TMPRSS6: variants seen among roughly 807,000 people sequenced by gnomAD.
TMPRSS6 encodes transmembrane protease serine 6.
A neutral mutation model predicts 101.5 loss-of-function variants in TMPRSS6; 67 were observed. The observed-to-expected ratio is 0.66, with a 90% CI of 0.54 to 0.81. TMPRSS6 has a LOEUF of 0.81. TMPRSS6 is among the 30% of genes least tolerant of loss of function. The probability of loss-of-function intolerance (pLI) is 0.00; values close to 1 mark genes in which losing one functional copy is unlikely to be tolerated. For synonymous variants in TMPRSS6, 453 were observed against 464.9 expected, an observed-to-expected ratio of 0.97 and a Z score of 0.33; for missense variants, 1,034 against 1,088.7, an observed-to-expected ratio of 0.95 and a Z score of 0.71.
chr22:37,072,888 GATGA>G (rs1299296289), intron 13 of TMPRSS6, among the ~76,000 whole-genome samples: 6 of 144,716 alleles, frequency 4.1e-5, no homozygotes, highest in South Asian at 2.2e-4. Context: ...ATGATGGATG[GATGA>G]ATGGATGGAT....
At position 37,089,643 on chromosome 22, in the gene TMPRSS6, T is replaced by C. The variant is rs1929066444; in HGVS notation, c.771A>G (p.Ala257=). Residue 257 remains alanine (A), a synonymous_variant, in exon 7 of 18, where the codon GCA becomes GCG. Transcript: ENST00000676104. ...MLKLRLEWTL[A]ECRDRLAMYD... is the part of the protein sequence containing the mutation. ...ACATGGCCAGTCGGTCCCGGCACTC[T>C]GCCAGCGTCCACTCCAGCCGGAGTT... 8 of 1,603,634 alleles carry C rather than the reference T, an allele frequency of 5.0e-6. No individual in the cohort carries two copies. Among genetic ancestry groups the C allele is most frequent in the Non-Finnish European group, 6.8e-6 (8 of 1,174,018 alleles).
At chr22:37,106,269 A>G (rs1307216076) in intron 1 of TMPRSS6, among the ~76,000 whole-genome samples, 2 of 152,002 alleles carry the variant, frequency 1.3e-5, no homozygotes, top group African/African-American at 4.8e-5. Context: ...ACTGAGCCCT[A>G]CTACCTCTCA....
chr22:37,070,449 T>C, intron 15 of TMPRSS6, 35 bp downstream of exon 15: 1 of 1,612,808 alleles, frequency 6.2e-7, no homozygotes, highest in South Asian at 1.1e-5. Flanking sequence ...TGCCCTTGTC[T>C]CTTACTGCCT....
chr22:37,091,424 C>A (rs1929251525), intron 6 of TMPRSS6, among the ~76,000 whole-genome samples: 1 of 152,196 alleles, frequency 6.6e-6, no homozygotes, highest in South Asian at 2.1e-4. Flanking sequence ...CTAGTGCCAT[C>A]TGCTGGGCCC....
intron 16 of TMPRSS6, among the ~76,000 whole-genome samples, chr22:37,067,898 C>A (rs1375556858): frequency 1.8e-5 from 1 of 55,024 alleles, no homozygotes; most frequent in Non-Finnish European, 3.4e-5. Context: ...CCAGGCACGC[C>A]TGCCCCCCAC....
At chr22:37,083,888 C>T (rs953471403) in intron 10 of TMPRSS6, 5 of 456,012 alleles carry the variant, frequency 1.1e-5, no homozygotes, top group Non-Finnish European at 1.9e-5. Context: ...GGGAGAGGCA[C>T]CTCTGATGGT....
At chr22:37,107,844 T>G (rs925335159) in intron 1 of TMPRSS6, among the ~76,000 whole-genome samples, 19 of 152,200 alleles carry the variant, frequency 1.2e-4, no homozygotes, top group Non-Finnish European at 2.6e-4. Context: ...CTCTCCTGCA[T>G]TTTTCTTTAT....
At position 37,092,980 on chromosome 22, in the gene TMPRSS6, G is replaced by A. The variant is rs1346996169; in HGVS notation, c.631+2571C>T. Among the ~76,000 whole-genome samples the A allele has an allele frequency of 2.6e-5, 4 of 152,216 alleles. No individual in the cohort carries two copies. The East Asian group carries it at 7.7e-4, about 29-fold the overall frequency. Reference sequence around the variant, plus strand: ...CTCTATTCTCACACTGGCACCTGGTGTTATGAGAATCTGTTTATGTGTCTG... The same window carrying A: ...CTCTATTCTCACACTGGCACCTGGTATTATGAGAATCTGTTTATGTGTCTG... On this transcript the variant is annotated intron_variant, in intron 6 of 17. Coordinates refer to ENST00000676104, the MANE Select transcript of TMPRSS6 (RefSeq NM_001374504.1).
chr22:37,066,134 G>T lies in TMPRSS6; in HGVS notation c.2355C>A (p.Gly785=). 6.2e-7 allele frequency: 1 copy of T among 1,613,394 alleles called. No individual in the cohort carries two copies. The highest frequency in any genetic ancestry group is 8.5e-7 in the Non-Finnish European group (1 of 1,179,994). Residue 785 remains glycine (G), a synonymous_variant, in exon 18 of 18, where the codon GGC becomes GGA. Coordinates refer to ENST00000676104, the MANE Select transcript of TMPRSS6 (RefSeq NM_001374504.1). ...GLGCGRPNYF[G]VYTRITGVIS... ...TCACACCTGTGATGCGGGTGTAGACGCCGAAGTAGTTAGGCCGGCCACAGC... is the reference window on the plus strand; with the variant it reads ...TCACACCTGTGATGCGGGTGTAGACTCCGAAGTAGTTAGGCCGGCCACAGC...
chr22:37,076,952 C>T (rs1485850962), intron 10 of TMPRSS6, among the ~76,000 whole-genome samples: 1 of 152,336 alleles, frequency 6.6e-6, no homozygotes, highest in Admixed American at 6.5e-5. Flanking sequence ...CGGAGCCGGC[C>T]ATGATTCCCA....
intron 1 of TMPRSS6, among the ~76,000 whole-genome samples, chr22:37,107,705 G>C (rs1930799963): frequency 6.6e-6 from 1 of 152,080 alleles, no homozygotes. Flanking sequence ...CCTCTTTGCT[G>C]AATGGGAGGT....
At chr22:37,106,553 A>G (rs1315387301) in intron 1 of TMPRSS6, among the ~76,000 whole-genome samples, 1 of 152,112 alleles carries the variant, frequency 6.6e-6, no homozygotes, top group Non-Finnish European at 1.5e-5. Flanking sequence ...GTAGTGGGAA[A>G]TTAATTCCCC....
chr22:37,084,623 C>A, intron 9 of TMPRSS6, 104 bp downstream of exon 9: 2 of 1,045,322 alleles, frequency 1.9e-6, no homozygotes, highest in Non-Finnish European at 2.9e-6. Context: ...AGCCTGTGGG[C>A]GCTTCAGCAG....
chr22:37,097,700 CTTG>C (rs1929895289), intron 3 of TMPRSS6, among the ~76,000 whole-genome samples: 1 of 145,254 alleles, frequency 6.9e-6, no homozygotes, highest in African/African-American at 2.6e-5. Flanking sequence ...GGGCCACCGT[CTTG>C]TAACAGAGGG....
chr22:37,074,473 G>T, intron 12 of TMPRSS6, 137 bp downstream of exon 12: 1 of 841,844 alleles, frequency 1.2e-6, no homozygotes, highest in Non-Finnish European at 1.9e-6. Context: ...CCGGCACAGT[G>T]AGAGAACCCC....
chr22:37,105,074 A>T (rs1742791688), intron 1 of TMPRSS6, among the ~76,000 whole-genome samples: 1 of 152,134 alleles, frequency 6.6e-6, no homozygotes, highest in Non-Finnish European at 1.5e-5. Flanking sequence ...GGGGCTCTTT[A>T]GTAATGCTCA....
chr22:37,095,949 GT>G lies in TMPRSS6; in HGVS notation c.545del (p.Tyr182SerfsTer12). 1.9e-6 allele frequency: 3 copies of G among 1,614,170 alleles called. No individual in the cohort carries two copies. Among genetic ancestry groups the G allele is most frequent in the Non-Finnish European group, 2.5e-6 (3 of 1,180,030 alleles). On this transcript the variant is annotated frameshift_variant, in exon 5 of 18. Transcript: ENST00000676104. LOFTEE classifies it high-confidence loss of function. ...CGGGGTCCACTTCGTACTCGGCCCT[GT>G]AGGGGACGGCAGCCGAGCTGTTGAC... ...STVNSSAAVPYRAEYEVDPEG... is the reference protein window; with the variant it reads ...STVNSSAAVPXRAEYEVDPEG...
In TMPRSS6 at chr22:37,074,591, GCGCGGGCGGGTTACTCAC is replaced by G; in HGVS notation, c.1441+1_1441+18del. On this transcript the variant is annotated splice_donor_variant and splice_donor_5th_base_variant and intron_variant, in intron 12 of 17. Coordinates refer to ENST00000676104, the MANE Select transcript of TMPRSS6 (RefSeq NM_001374504.1). LOFTEE classifies it high-confidence loss of function. ...AGGGATGGGCAGGGAGAGGAGGGAT[GCGCGGGCGGGTTACTCAC>G]CGCAGTTTCTCTCATCCAGGCCGTT... is the stretch of plus-strand genomic sequence containing the variant. 1 of 1,611,008 alleles carries G rather than the reference GCGCGGGCGGGTTACTCAC, an allele frequency of 6.2e-7. No individual in the cohort carries two copies. The highest frequency in any genetic ancestry group is 8.5e-7 in the Non-Finnish European group (1 of 1,177,348).
chr22:37,099,989 CAG>C (rs1298709948), intron 2 of TMPRSS6, among the ~76,000 whole-genome samples: 1 of 151,716 alleles, frequency 6.6e-6, no homozygotes, highest in Non-Finnish European at 1.5e-5. Context: ...GTTTTTGAGA[CAG>C]AGTTTCGCTC....
Sources: gnomAD v4.1 joint callset for allele counts (sites outside exome capture counted in the v4.1 genomes callset) on GRCh38, gnomAD v4.1.1 for gene constraint, MANE v1.5 for transcripts, NCBI Gene and HGNC (gene_info 2026-07-23, HGNC 2026-07-21) for gene names.